HIP1: variants seen among roughly 807,000 people sequenced by gnomAD.
The protein encoded by HIP1 is huntingtin interacting protein 1.
HIP1 carries 65 observed loss-of-function variants against 147.6 expected under a neutral mutation model. The ratio of observed to expected loss-of-function variants is 0.44; its 90% confidence interval spans 0.36 to 0.54. The LOEUF (loss-of-function observed/expected upper bound fraction) is 0.54, where lower values mean the gene tolerates loss of function less well. Ranked by LOEUF, HIP1 falls within the 20% of genes least tolerant of loss-of-function variation. The pLI is 0.00. For missense variants in HIP1, 1,061 were observed against 1,299.6 expected, an observed-to-expected ratio of 0.82 and a Z score of 2.82; for synonymous variants, 479 against 504.0, an observed-to-expected ratio of 0.95 and a Z score of 0.67.
chr7:75,685,709 C>T lies in HIP1; in HGVS notation c.120+53092G>A, dbSNP rs376587399. On this transcript the variant is annotated intron_variant, in intron 1 of 30. Coordinates refer to ENST00000336926, the MANE Select transcript of HIP1 (RefSeq NM_005338.7). The stretch of plus-strand genomic sequence containing the variant: ...GATTACAGGCACCCGCCACCACGCC[C>T]GGCTAATTTTTGTATTTTTAGTAGA... Among the ~76,000 whole-genome samples, 94 of 152,002 alleles carry T rather than the reference C, an allele frequency of 6.2e-4. 2 individuals carry two copies. Among genetic ancestry groups the T allele is most frequent in the South Asian group, 1.7e-3 (8 of 4,808 alleles).
chr7:75,555,621 TGG>T (rs1794971532), intron 18 of HIP1, 70 bp from the exon 19 acceptor site: 2 of 1,564,462 alleles, frequency 1.3e-6, no homozygotes, highest in Admixed American at 1.7e-5. Context: ...ATGACCTGGC[TGG>T]GGCTCTTAGC....
At chr7:75,650,333 G>A (rs1411714010) in intron 1 of HIP1, among the ~76,000 whole-genome samples, 1 of 152,106 alleles carries the variant, frequency 6.6e-6, no homozygotes, top group Non-Finnish European at 1.5e-5. Context: ...CCCTGTAAGT[G>A]GTAATTTGGA....
At chr7:75,560,014 T>A in intron 13 of HIP1, 99 bp from the exon 14 acceptor site, 1 of 1,205,800 alleles carries the variant, frequency 8.3e-7, no homozygotes, top group Non-Finnish European at 1.1e-6. Context: ...AGTAAATACC[T>A]GATTCCCCTA....
chr7:75,582,886 G>A (rs1201261094), intron 5 of HIP1, among the ~76,000 whole-genome samples: 10 of 152,094 alleles, frequency 6.6e-5, no homozygotes, highest in African/African-American at 2.2e-4. Context: ...TCTGAGGCTT[G>A]ACCTGGCACC....
At chr7:75,650,790 A>T (rs984865081) in intron 1 of HIP1, among the ~76,000 whole-genome samples, 1 of 152,100 alleles carries the variant, frequency 6.6e-6, no homozygotes, top group African/African-American at 2.4e-5. Context: ...GGCAGGAAGT[A>T]CCAGCTCAGA....
rs1554493731 is a variant in HIP1 at position 75,557,757 on chromosome 7, G to A, written c.1478C>T (p.Thr493Ile). 1.2e-6 allele frequency: 2 copies of A among 1,613,326 alleles called. No homozygotes were observed. The change falls in exon 16 of 31, where the codon ACC becomes ATC. Residue 493 changes from threonine (T) to isoleucine (I), a missense_variant. Physicochemically the swap from Thr to Ile is moderately conservative, Grantham distance 89. Coordinates refer to ENST00000336926, the MANE Select transcript of HIP1 (RefSeq NM_005338.7). ...ADLLRKNAEVTKQVSMARQAQ... is the reference protein window; with the variant it reads ...ADLLRKNAEVIKQVSMARQAQ... The stretch of plus-strand genomic sequence containing the variant: ...TTGTCTGGCCATGGACACCTGTTTG[G>A]TCACCTCTGCATTCTGCAAAAGAAG...
intron 8 of HIP1, among the ~76,000 whole-genome samples, chr7:75,572,307 G>A (rs587728727): frequency 6.6e-6 from 1 of 152,124 alleles, no homozygotes; most frequent in African/African-American, 2.4e-5. Flanking sequence ...GGCACCCCAG[G>A]GAACTGAAGC....
intron 2 of HIP1, among the ~76,000 whole-genome samples, chr7:75,596,295 C>T (rs990712185): frequency 6.7e-6 from 1 of 149,072 alleles, no homozygotes; most frequent in Non-Finnish European, 1.5e-5. Context: ...TCAAACCCTA[C>T]TGTATGGAGT....
At chr7:75,705,825 A>G (rs944943365) in intron 1 of HIP1, among the ~76,000 whole-genome samples, 11 of 152,196 alleles carry the variant, frequency 7.2e-5, no homozygotes, top group African/African-American at 2.7e-4. Context: ...GCCTGCCTTC[A>G]ATTCTTTTGG....
chr7:75,560,258 G>A (rs1554494329), intron 13 of HIP1, among the ~76,000 whole-genome samples: 3 of 151,436 alleles, frequency 2.0e-5, no homozygotes, highest in African/African-American at 7.3e-5. Context: ...TTTGGCGGTT[G>A]GGGGAGGGGA....
At chr7:75,610,256 T>G (rs1554504625) in intron 1 of HIP1, among the ~76,000 whole-genome samples, 1 of 150,622 alleles carries the variant, frequency 6.6e-6, no homozygotes, top group East Asian at 2.0e-4. Flanking sequence ...TCACCCAGGC[T>G]GGTGTGCAGT....
In HIP1 at chr7:75,542,726, T is replaced by G. The variant is rs187759780; in HGVS notation, c.2890+125A>C. 5.5e-5 allele frequency: 53 copies of G among 971,344 alleles called. No homozygotes were observed. In the East Asian group the frequency reaches 1.4e-3, roughly 25 times the overall value. 60.2% of individuals were successfully genotyped at this position (971,344 alleles called of 1,614,324 possible). ...AAACAGAAATAAAGAAAAAATAAAA[T>G]AAAAAGATGAAAAATATGAAAGAAT... On this transcript the variant is annotated intron_variant, in intron 28 of 30. Transcript: ENST00000336926.
chr7:75,599,162 C>A, intron 2 of HIP1, 22 bp downstream of exon 2: 1 of 1,600,980 alleles, frequency 6.2e-7, no homozygotes, highest in East Asian at 2.2e-5. Flanking sequence ...GTCGGTCTTC[C>A]AAGCAACATC....
intron 1 of HIP1, among the ~76,000 whole-genome samples, chr7:75,639,592 T>TGTGTGTGTGC (rs879990782): frequency 2.3e-4 from 34 of 148,722 alleles, no homozygotes; most frequent in South Asian, 6.4e-4. Context: ...TGTGTGTGTG[T>TGTGTGTGTGC]GCGCCCGCGT....
At chr7:75,651,958 G>C (rs1330929770) in intron 1 of HIP1, among the ~76,000 whole-genome samples, 2 of 151,274 alleles carry the variant, frequency 1.3e-5, no homozygotes, top group South Asian at 2.1e-4. Context: ...GCAGTGAGCT[G>C]AGATTGCGCC....
At chr7:75,597,704 C>T (rs1016358913) in intron 2 of HIP1, among the ~76,000 whole-genome samples, 19 of 134,428 alleles carry the variant, frequency 1.4e-4, no homozygotes, top group African/African-American at 4.8e-4. Flanking sequence ...CATGCCACTG[C>T]ACTCCAGCCT....
intron 1 of HIP1, among the ~76,000 whole-genome samples, chr7:75,688,777 G>A (rs1221139215): frequency 6.6e-6 from 1 of 152,154 alleles, no homozygotes; most frequent in Non-Finnish European, 1.5e-5. Context: ...AGCCTCCCCA[G>A]GAACCAGCAG....
rs532259155 is a variant in HIP1, at chr7:75,669,570, A to G, written c.120+69231T>C. 6.8e-4 allele frequency among the ~76,000 whole-genome samples: 67 copies of G among 99,188 alleles called. 1 individual carries two copies. In the South Asian group the frequency reaches 0.021, roughly 31 times the overall value. The allele number at this position is 99,188 out of a possible 152,430, so 65.1% of individuals were successfully genotyped here. On this transcript the variant is annotated intron_variant, in intron 1 of 30. Coordinates refer to ENST00000336926, the MANE Select transcript of HIP1 (RefSeq NM_005338.7). ...GAGTGAGACTCTGTCTCAAAAAAACAAAACAAAACAAAACAAGAAACACCA... is the reference window on the plus strand; with the variant it reads ...GAGTGAGACTCTGTCTCAAAAAAACGAAACAAAACAAAACAAGAAACACCA...
chr7:75,588,182 G>A (rs143862679), intron 4 of HIP1, among the ~76,000 whole-genome samples: 59 of 152,242 alleles, frequency 3.9e-4, no homozygotes, highest in South Asian at 2.1e-3. Flanking sequence ...ATTTAATTTC[G>A]AGTGATCTCA....
Sources: allele counts gnomAD v4.1 joint callset (sites outside exome capture counted in the v4.1 genomes callset), GRCh38; gene constraint gnomAD v4.1.1; transcripts MANE v1.5; gene names NCBI Gene and HGNC (gene_info 2026-07-23, HGNC 2026-07-21).